Variants in GPATCH11 observed in about 807,000 individuals in gnomAD.
GPATCH11 encodes G-patch domain containing 11, also known as G patch domain-containing protein 11.
In GPATCH11, 32 loss-of-function variants were observed where a neutral mutation model predicts 44.8. The ratio of observed to expected loss-of-function variants is 0.71; its 90% confidence interval spans 0.54 to 0.96. The LOEUF (loss-of-function observed/expected upper bound fraction) is 0.96. Among genes scored for constraint, GPATCH11 ranks in the 40% least tolerant of loss-of-function variants. GPATCH11 has a pLI of 0.00. For synonymous variants in GPATCH11, 84 were observed against 94.4 expected (o/e 0.89, Z 0.64); for missense variants, 324 against 303.1 (o/e 1.07, Z -0.51).
At position 37,096,399 on chromosome 2, in the gene GPATCH11, CT is replaced by C. The variant is rs1280563721; in HGVS notation, c.*139del. 2 of 633,718 alleles carry C rather than the reference CT, an allele frequency of 3.2e-6. No individual in the cohort carries two copies. Among genetic ancestry groups the C allele is most frequent in the African/African-American group, 1.9e-5 (1 of 52,714 alleles). The allele number at this position is 633,718 out of a possible 1,614,324, so 39.3% of individuals were successfully genotyped here. ...TATATAATGTTTTGTTCTTTTTGTA[CT>C]TTAGAATATGAATGTTCATTGACTT... is the stretch of plus-strand genomic sequence containing the variant. On this transcript the variant is annotated 3_prime_UTR_variant, in exon 9 of 9. Transcript: ENST00000674370.
intron 2 of GPATCH11, 141 bp from the exon 3 acceptor site, chr2:37,089,499 G>A (rs1039215728): frequency 2.8e-5 from 18 of 640,104 alleles, no homozygotes; most frequent in South Asian, 1.5e-4. Context: ...CCCAGGAGGC[G>A]GAGGTTGCAG....
intron 6 of GPATCH11, among the ~76,000 whole-genome samples, chr2:37,093,750 G>A (rs1034512889): frequency 1.3e-5 from 2 of 152,096 alleles, no homozygotes; most frequent in Non-Finnish European, 2.9e-5. Context: ...TCCACCTCCT[G>A]GGTTCAAGCA....
chr2:37,092,509 A>G (rs1673387653), intron 6 of GPATCH11, among the ~76,000 whole-genome samples: 1 of 146,344 alleles, frequency 6.8e-6, no homozygotes, highest in Admixed American at 6.9e-5. Context: ...ATATAAAACT[A>G]AGAACTCCAA....
chr2:37,090,500 G>T (rs932066635), intron 3 of GPATCH11, among the ~76,000 whole-genome samples, 181 bp from the exon 4 acceptor site: 1 of 152,090 alleles, frequency 6.6e-6, no homozygotes, highest in Admixed American at 6.5e-5. Context: ...TGATGAGTAG[G>T]TATTTGAAGA....
At chr2:37,084,599 G>A in intron 1 of GPATCH11, 29 bp downstream of exon 1, 1 of 1,227,322 alleles carries the variant, frequency 8.1e-7, no homozygotes, top group Non-Finnish European at 1.0e-6. Flanking sequence ...AAGGGTCTGG[G>A]GACAACCGGT....
At chr2:37,087,336 C>T (rs1673098446) in intron 1 of GPATCH11, among the ~76,000 whole-genome samples, 2 of 152,198 alleles carry the variant, frequency 1.3e-5, no homozygotes, top group East Asian at 1.9e-4. Context: ...AAAAACAGTA[C>T]ATATGCACCA....
At chr2:37,095,902 G>C (rs551752397) in intron 8 of GPATCH11, among the ~76,000 whole-genome samples, 28 of 152,196 alleles carry the variant, frequency 1.8e-4, no homozygotes, top group African/African-American at 6.5e-4. Context: ...GTAAAAATCA[G>C]ATATGTTGAA....
chr2:37,085,455 A>G (rs1345511431), intron 1 of GPATCH11, among the ~76,000 whole-genome samples: 1 of 152,256 alleles, frequency 6.6e-6, no homozygotes, highest in African/African-American at 2.4e-5. Context: ...TGAGGTTTAG[A>G]GGAAGCGGGT....
At chr2:37,087,286 C>A (rs1673095646) in intron 1 of GPATCH11, among the ~76,000 whole-genome samples, 1 of 152,130 alleles carries the variant, frequency 6.6e-6, no homozygotes, top group African/African-American at 2.4e-5. Context: ...ACATGAAGGG[C>A]AGAGGGTTGG....
chr2:37,090,702 T>C lies in GPATCH11; in HGVS notation c.308T>C (p.Ile103Thr). ...TAAGGGGGTGGTATTGTTGAACCAA[T>C]TCCTCTCAATATCAAAACAGGTACG... The part of the protein sequence containing the change: ...GKSGGGIVEP[I>T]PLNIKTGKSG... Residue 103 changes from isoleucine to threonine, a missense_variant, in exon 4 of 9, where the codon ATT becomes ACT. Ile to Thr is a moderately conservative substitution (Grantham distance 89). Coordinates refer to ENST00000674370, the MANE Select transcript of GPATCH11 (RefSeq NM_174931.4). 1 of 1,468,910 alleles carries C rather than the reference T, an allele frequency of 6.8e-7. No individual in the cohort carries two copies. The highest frequency in any genetic ancestry group is 9.3e-7 in the Non-Finnish European group (1 of 1,079,092). The allele number at this position is 1,468,910 out of a possible 1,614,324, so 91.0% of individuals were successfully genotyped here.
intron 2 of GPATCH11, 107 bp downstream of exon 2, chr2:37,088,547 A>T (rs1215477413): frequency 1.6e-6 from 1 of 615,846 alleles, no homozygotes; most frequent in Non-Finnish European, 2.8e-6. Context: ...ACAGGGTCTC[A>T]TTCTGTTAGC....
intron 7 of GPATCH11, 28 bp from the exon 8 acceptor site, chr2:37,095,409 G>T (rs945393298): frequency 6.3e-7 from 1 of 1,587,908 alleles, no homozygotes; most frequent in African/African-American, 1.4e-5. Context: ...TCAATGTAAA[G>T]TATTAATAAT....
intron 2 of GPATCH11, among the ~76,000 whole-genome samples, chr2:37,089,367 G>C (rs1026692647): frequency 6.6e-6 from 1 of 152,124 alleles, no homozygotes; most frequent in Non-Finnish European, 1.5e-5. Context: ...AGGAGTTCAA[G>C]ACCAGCCTGG....
chr2:37,087,628 C>T (rs112473773), intron 1 of GPATCH11, among the ~76,000 whole-genome samples: 6 of 152,206 alleles, frequency 3.9e-5, no homozygotes, highest in African/African-American at 1.4e-4. Flanking sequence ...ACTATATCAA[C>T]TTCCAAATGA....
Position 37,096,189 on chromosome 2 carries a change from T to A in GPATCH11, c.737-19T>A, listed in dbSNP as rs1396986812. The A allele has an allele frequency of 4.0e-6, 6 of 1,489,970 alleles. No individual in the cohort carries two copies. In the Admixed American group the frequency reaches 8.3e-5, roughly 21 times the overall value. 92.3% of individuals were successfully genotyped at this position (1,489,970 alleles called of 1,614,324 possible). On this transcript the variant is annotated intron_variant, in intron 8 of 8. Coordinates refer to ENST00000674370, the MANE Select transcript of GPATCH11 (RefSeq NM_174931.4). The stretch of plus-strand genomic sequence containing the variant: ...GTAGAAGTTGTATTAATCTTTCATT[T>A]CCCTCACATAACTTACAGATAAAGA...
chr2:37,086,786 G>A (rs1269907148), intron 1 of GPATCH11, among the ~76,000 whole-genome samples: 1 of 152,168 alleles, frequency 6.6e-6, no homozygotes, highest in African/African-American at 2.4e-5. Context: ...GTGATAGAAC[G>A]AGATTCTGTC....
In GPATCH11 at chr2:37,097,384, T is replaced by A. The variant is rs1472294347; in HGVS notation, c.*1121T>A. 1.3e-5 allele frequency: 2 copies of A among 152,216 alleles called. No homozygotes were observed. The highest frequency in any genetic ancestry group is 3.8e-4 in the East Asian group (2 of 5,200). 9.4% of individuals were successfully genotyped at this position (152,216 alleles called of 1,614,324 possible). On this transcript the variant is annotated 3_prime_UTR_variant, in exon 9 of 9. Coordinates refer to ENST00000674370, the MANE Select transcript of GPATCH11 (RefSeq NM_174931.4). ...AGAGAGCTCCATCCAGGGTGAGGCA[T>A]CAAAATCATGAACCTTTTTAAAAGT...
intron 3 of GPATCH11, 54 bp downstream of exon 3, chr2:37,089,920 T>G (rs75560817): frequency 1.6e-6 from 2 of 1,244,904 alleles, no homozygotes; most frequent in Non-Finnish European, 2.3e-6. Context: ...TTGTGACTTA[T>G]GGATAAGGAC....
Position 37,089,769 on chromosome 2 carries a change from T to G in GPATCH11, c.189T>G (p.Arg63=). The G allele has an allele frequency of 6.4e-7, 1 of 1,551,882 alleles. No homozygotes were observed. ...KSLKEEEQER[R]DIGLKNALGC... ...TAAAAGAAGAAGAACAAGAAAGACGTGACATTGGGTTGAAGAATGCACTAG... is the reference window on the plus strand; with the variant it reads ...TAAAAGAAGAAGAACAAGAAAGACGGGACATTGGGTTGAAGAATGCACTAG... Residue 63 remains arginine (R), a synonymous_variant, in exon 3 of 9, where the codon CGT becomes CGG. Transcript: ENST00000674370.
Sources: allele counts gnomAD v4.1 joint callset (sites outside exome capture counted in the v4.1 genomes callset), GRCh38; gene constraint gnomAD v4.1.1; transcripts MANE v1.5; gene names NCBI Gene and HGNC (gene_info 2026-07-23, HGNC 2026-07-21).